Variants in LSAMP observed in about 807,000 individuals in gnomAD.
The protein encoded by LSAMP is limbic system-associated membrane protein.
LSAMP carries 7 observed loss-of-function variants against 38.6 expected under a neutral mutation model. The ratio of observed to expected loss-of-function variants is 0.18; its 90% CI spans 0.10 to 0.34. The LOEUF (loss-of-function observed/expected upper bound fraction) is 0.34, where lower values mean the gene tolerates loss of function less well. LSAMP is among the 10% of genes least tolerant of loss of function. LSAMP has a pLI of 1.00. For missense variants in LSAMP, 313 were observed against 420.0 expected, an observed-to-expected ratio of 0.75 and a Z score of 2.23; for synonymous variants, 154 against 166.8, an observed-to-expected ratio of 0.92 and a Z score of 0.59.
intron 1 of LSAMP, among the ~76,000 whole-genome samples, chr3:116,251,366 G>C (rs1414820068): frequency 6.6e-6 from 1 of 152,140 alleles, no homozygotes; most frequent in Non-Finnish European, 1.5e-5. Flanking sequence ...AAAAGGTAGA[G>C]ATAGAAAACA....
At chr3:115,899,183 G>T (rs778631291) in intron 3 of LSAMP, among the ~76,000 whole-genome samples, 1 of 152,040 alleles carries the variant, frequency 6.6e-6, no homozygotes, top group Non-Finnish European at 1.5e-5. Context: ...AACATTTTTA[G>T]CTAGCTCGGC....
At chr3:116,410,354 C>G (rs34649218) in intron 1 of LSAMP, among the ~76,000 whole-genome samples, 2 of 151,954 alleles carry the variant, frequency 1.3e-5, no homozygotes, top group Non-Finnish European at 2.9e-5. Context: ...TCATGTTATT[C>G]TAATGGACTC....
chr3:116,344,325 G>A (rs578036863), intron 1 of LSAMP, among the ~76,000 whole-genome samples: 11 of 152,132 alleles, frequency 7.2e-5, no homozygotes, highest in South Asian at 4.1e-4. Flanking sequence ...CCAGAAATCC[G>A]TTAATCACTT....
chr3:115,839,258 TTTCTTTCCTTCC>T (rs1266525728), intron 6 of LSAMP, among the ~76,000 whole-genome samples: 5,626 of 105,154 alleles, frequency 0.054, 282 homozygotes, highest in African/African-American at 0.099. Context: ...TCCTTCCTTC[TTTCTTTCCTTCC>T]TTCCTTCCTT....
intron 1 of LSAMP, among the ~76,000 whole-genome samples, chr3:116,212,026 TG>T (rs1164421600): frequency 6.6e-6 from 1 of 152,188 alleles, no homozygotes; most frequent in African/African-American, 2.4e-5. Flanking sequence ...GAGTTCTTCT[TG>T]TGATAAAGAC....
intron 3 of LSAMP, among the ~76,000 whole-genome samples, chr3:115,993,733 A>G (rs1441701541): frequency 6.6e-6 from 1 of 152,082 alleles, no homozygotes; most frequent in African/African-American, 2.4e-5. Flanking sequence ...AAAATGTGGT[A>G]TCTGTATAAA....
intron 1 of LSAMP, among the ~76,000 whole-genome samples, chr3:116,248,125 A>T (rs1254559254): frequency 1.3e-5 from 2 of 152,226 alleles, no homozygotes; most frequent in Non-Finnish European, 2.9e-5. Flanking sequence ...GATGGAGCAG[A>T]TAAATGCCCT....
chr3:115,955,670 T>C (rs755751768), intron 3 of LSAMP, among the ~76,000 whole-genome samples: 2 of 152,206 alleles, frequency 1.3e-5, no homozygotes, highest in Non-Finnish European at 2.9e-5. Flanking sequence ...CTGTGTGTTA[T>C]CAGATAAAAC....
chr3:116,162,003 AC>A (rs1709899886), intron 1 of LSAMP, among the ~76,000 whole-genome samples: 1 of 151,782 alleles, frequency 6.6e-6, no homozygotes, highest in African/African-American at 2.4e-5. Context: ...AAAATAACTC[AC>A]CCCCAAGCAG....
At chr3:116,171,356 C>A (rs1559769013) in intron 1 of LSAMP, among the ~76,000 whole-genome samples, 1 of 152,096 alleles carries the variant, frequency 6.6e-6, no homozygotes, top group African/African-American at 2.4e-5. Context: ...TTGAATCATG[C>A]AGGAATATAG....
chr3:116,046,719 C>A (rs1441837717), intron 2 of LSAMP, among the ~76,000 whole-genome samples: 1 of 152,196 alleles, frequency 6.6e-6, no homozygotes, highest in Non-Finnish European at 1.5e-5. Flanking sequence ...GCATAATAGT[C>A]TGATCCTTTC....
chr3:116,089,861 T>C (rs998231230), intron 1 of LSAMP, among the ~76,000 whole-genome samples: 3 of 152,044 alleles, frequency 2.0e-5, no homozygotes, highest in African/African-American at 7.2e-5. Flanking sequence ...TTCCTTTTTA[T>C]GTACTCAGTA....
At chr3:116,394,052 A>G (rs1352592603) in intron 1 of LSAMP, among the ~76,000 whole-genome samples, 1 of 152,200 alleles carries the variant, frequency 6.6e-6, no homozygotes, top group Admixed American at 6.5e-5. Flanking sequence ...TGTTTTGTCC[A>G]TATATCTAAG....
chr3:115,937,777 GA>G, intron 3 of LSAMP, among the ~76,000 whole-genome samples: 1 of 1,430 alleles, frequency 7.0e-4, no homozygotes, highest in Non-Finnish European at 9.1e-3. Context: ...CATGCTAAAT[GA>G]TATTGGCTAA....
intron 1 of LSAMP, among the ~76,000 whole-genome samples, chr3:116,305,848 T>C (rs1024652506): frequency 1.3e-5 from 2 of 151,902 alleles, no homozygotes; most frequent in African/African-American, 4.8e-5. Flanking sequence ...AATAAGAAAC[T>C]TCTCTCATTC....
intron 1 of LSAMP, among the ~76,000 whole-genome samples, chr3:116,396,649 G>A (rs1216285503): frequency 6.6e-6 from 1 of 152,134 alleles, no homozygotes; most frequent in East Asian, 1.9e-4. Flanking sequence ...GGATCTAGCA[G>A]TATATCCATT....
At chr3:116,068,551 A>T (rs1464571332) in intron 2 of LSAMP, among the ~76,000 whole-genome samples, 1 of 152,212 alleles carries the variant, frequency 6.6e-6, no homozygotes, top group Non-Finnish European at 1.5e-5. Flanking sequence ...GGCAATGTTT[A>T]TTACAGCCTT....
At chr3:115,855,437 C>T (rs921201674) in intron 3 of LSAMP, among the ~76,000 whole-genome samples, 1 of 152,186 alleles carries the variant, frequency 6.6e-6, no homozygotes, top group Non-Finnish European at 1.5e-5. Flanking sequence ...TTCCCCTAAA[C>T]TACCTGAGGA....
intron 2 of LSAMP, among the ~76,000 whole-genome samples, chr3:116,074,898 C>T (rs1456787757): frequency 2.1e-5 from 3 of 144,420 alleles, no homozygotes; most frequent in African/African-American, 7.9e-5. Context: ...GGCTGGAGTG[C>T]AATGGTGCGA....
Sources: gnomAD v4.1 joint callset for allele counts (sites outside exome capture counted in the v4.1 genomes callset) on GRCh38, gnomAD v4.1.1 for gene constraint, MANE v1.5 for transcripts, NCBI Gene and HGNC (gene_info 2026-07-23, HGNC 2026-07-21) for gene names.